Variants in MTRR observed in about 807,000 individuals in gnomAD.
MTRR encodes the protein 5-methyltetrahydrofolate-homocysteine methyltransferase reductase.
Under a neutral mutation model 79.2 loss-of-function variants are expected in MTRR, and 63 were observed. The ratio of observed to expected loss-of-function variants is 0.80; its 90% CI spans 0.65 to 0.98. The LOEUF (loss-of-function observed/expected upper bound fraction) is 0.98, where lower values mean the gene tolerates loss of function less well. Ranked by LOEUF, MTRR falls within the 50% of genes least tolerant of loss-of-function variation. MTRR has a pLI of 0.00. For synonymous variants in MTRR, 355 were observed against 313.3 expected, an observed-to-expected ratio of 1.13 and a Z score of -1.41; for missense variants, 895 against 839.6, an observed-to-expected ratio of 1.07 and a Z score of -0.82.
intron 1 of MTRR, chr5:7,861,711 T>A (rs920537240): frequency 6.4e-7 from 1 of 1,568,622 alleles, no homozygotes; most frequent in African/African-American, 1.3e-5. Context: ...ACTATCTTCC[T>A]GTATTCATTC....
chr5:7,896,948 T>C lies in MTRR; in HGVS notation c.1761T>C (p.Tyr587=), dbSNP rs6874544. 32,125 of 1,614,002 alleles carry C rather than the reference T, an allele frequency of 0.02. 364 individuals carry two copies. The highest frequency in any genetic ancestry group is 0.024 in the Non-Finnish European group (28,071 of 1,179,870). The stretch of plus-strand genomic sequence containing the variant: ...GCTGCAGGCATAAGGATAGGGATTA[T>C]CTATTCAGGTATTGTACAATTCCAG... ...FFGCRHKDRD[Y]LFRKELRHFL... The change falls in exon 13 of 15, where the codon TAT becomes TAC. Residue 587 remains tyrosine (Y), a synonymous_variant. Coordinates refer to ENST00000440940, the MANE Select transcript of MTRR (RefSeq NM_002454.3).
intron 8 of MTRR, 138 bp downstream of exon 8, chr5:7,886,841 C>T (rs143538307): frequency 1.4e-6 from 1 of 711,042 alleles, no homozygotes; most frequent in Non-Finnish European, 2.5e-6. Flanking sequence ...ATATTAGTTC[C>T]CAAGGGTGTG....
At position 7,891,289 on chromosome 5, in the gene MTRR, A is replaced by ATTTTT. The variant is rs71591748; in HGVS notation, c.1328-64_1328-60dup. On this transcript the variant is annotated intron_variant, in intron 9 of 14. Coordinates refer to ENST00000440940, the MANE Select transcript of MTRR (RefSeq NM_002454.3). ...TTGAGTATTCTAAATAAGACATGGA[A>ATTTTT]TTTTTTTTTTTTTTTTTTTTTTTAG... The ATTTTT allele has an allele frequency of 2.7e-4, 100 of 365,208 alleles. 1 individual carries two copies. Among genetic ancestry groups the ATTTTT allele is most frequent in the South Asian group, 6.2e-4 (18 of 29,252 alleles). 22.6% of individuals were successfully genotyped at this position (365,208 alleles called of 1,614,324 possible).
chr5:7,866,854 G>T (rs162030), upstream of MTRR: 55 of 1,613,876 alleles, frequency 3.4e-5, no homozygotes, highest in Admixed American at 2.2e-4. Flanking sequence ...GTTCCATTAA[G>T]GCAGAAATCT....
chr5:7,866,313 CAAAA>C (rs35385669), upstream of MTRR, among the ~76,000 whole-genome samples: 2 of 140,416 alleles, frequency 1.4e-5, no homozygotes, highest in Admixed American at 7.0e-5. Context: ...ACCATCCTCT[CAAAA>C]AAAAAAAAAA....
At chr5:7,866,539 T>C (rs974395205), upstream of MTRR, 5 of 817,828 alleles carry the variant, frequency 6.1e-6, no homozygotes, top group Middle Eastern at 3.7e-4. Context: ...TTCGGATCAC[T>C]ATGGAAGAAA....
At chr5:7,881,884 C>T (rs1735656104) in intron 5 of MTRR, among the ~76,000 whole-genome samples, 1 of 152,170 alleles carries the variant, frequency 6.6e-6, no homozygotes, top group Non-Finnish European at 1.5e-5. Context: ...CTTCCACTGG[C>T]ACTCCCTGCT....
At chr5:7,864,617 C>G (rs1467970600), upstream of MTRR, among the ~76,000 whole-genome samples, 2 of 152,030 alleles carry the variant, frequency 1.3e-5, no homozygotes, top group Non-Finnish European at 2.9e-5. Flanking sequence ...ATGTAAATGG[C>G]CAACACATAT....
chr5:7,868,716 G>C (rs531555187), upstream of MTRR, among the ~76,000 whole-genome samples: 1 of 152,248 alleles, frequency 6.6e-6, no homozygotes, highest in African/African-American at 2.4e-5. Context: ...GATCAATGAA[G>C]GGAGAAGGTG....
chr5:7,867,706 A>G, upstream of MTRR: 1 of 1,614,188 alleles, frequency 6.2e-7, no homozygotes, highest in Non-Finnish European at 8.5e-7. Flanking sequence ...CCATAGTGTC[A>G]GGCAGGGTTT....
chr5:7,873,273 T>A lies in MTRR; in HGVS notation c.130-100T>A, dbSNP rs1024981713. ...CAAAAAAACTGGCAAGGAAGAAGAT[T>A]GAAATACAAGACAGGAAACTAAGCT... On this transcript the variant is annotated intron_variant, in intron 2 of 14. Transcript: ENST00000440940. 5.4e-6 allele frequency: 8 copies of A among 1,483,382 alleles called. No homozygotes were observed. In the African/African-American group the frequency reaches 1.1e-4, roughly 21 times the overall value. 91.9% of individuals were successfully genotyped at this position (1,483,382 alleles called of 1,614,324 possible). A position where few individuals can be genotyped will look rare whatever the true frequency, so the allele number is the denominator to read the frequency against.
At chr5:7,870,448 T>A (rs1263992584) in intron 1 of MTRR, 1 of 359,194 alleles carries the variant, frequency 2.8e-6, no homozygotes, top group Non-Finnish European at 5.3e-6. Flanking sequence ...ATTTTTAGGA[T>A]AAAGGAGCTG....
upstream of MTRR, chr5:7,867,294 G>C (rs1365567003): frequency 3.1e-6 from 5 of 1,613,646 alleles, no homozygotes; most frequent in Admixed American, 3.3e-5. Flanking sequence ...GTACATGCCT[G>C]CAAGATTCTA....
At chr5:7,875,467 A>G in intron 4 of MTRR, 92 bp downstream of exon 4, 1 of 1,133,274 alleles carries the variant, frequency 8.8e-7, no homozygotes, top group South Asian at 1.2e-5. Context: ...CTTAACACTG[A>G]AATTTTCCTC....
At chr5:7,866,721 A>C (rs1246200685), upstream of MTRR, 2 of 1,613,402 alleles carry the variant, frequency 1.2e-6, no homozygotes, top group East Asian at 2.2e-5. Flanking sequence ...TTAAGTGAAC[A>C]TGAATGAAGA....
intron 12 of MTRR, chr5:7,896,456 GTC>G (rs1738530364): frequency 4.3e-6 from 1 of 232,928 alleles, no homozygotes; most frequent in Non-Finnish European, 8.4e-6. Context: ...AATCACAGAT[GTC>G]TCTGTCTCAT....
chr5:7,890,250 C>T (rs1737323784), intron 9 of MTRR: 1 of 985,082 alleles, frequency 1.0e-6, no homozygotes, highest in Non-Finnish European at 1.2e-6. Context: ...ATTTCTCCTC[C>T]TTTTTCTTAG....
intron 1 of MTRR, among the ~76,000 whole-genome samples, chr5:7,853,550 A>G (rs1490259865): frequency 6.6e-6 from 1 of 152,196 alleles, no homozygotes; most frequent in Non-Finnish European, 1.5e-5. Flanking sequence ...AATTCCAGGG[A>G]ACAGGAGAGA....
In MTRR at chr5:7,900,816, C is replaced by T. The variant is rs1204522370; in HGVS notation, c.*758C>T. 1 of 152,292 alleles carries T rather than the reference C, an allele frequency of 6.6e-6. No homozygotes were observed. Among genetic ancestry groups the T allele is most frequent in the Non-Finnish European group, 1.5e-5 (1 of 68,024 alleles). 9.4% of individuals were successfully genotyped at this position (152,292 alleles called of 1,614,324 possible). ...GAAAGATACAACCTTTTTATTTTCA[C>T]TCCTTTTATTTCTGCTGCTTGGCAC... On this transcript the variant is annotated 3_prime_UTR_variant, in exon 15 of 15. Coordinates refer to ENST00000440940, the MANE Select transcript of MTRR (RefSeq NM_002454.3).
Sources: gnomAD v4.1 joint callset for allele counts (sites outside exome capture counted in the v4.1 genomes callset) on GRCh38, gnomAD v4.1.1 for gene constraint, MANE v1.5 for transcripts, NCBI Gene and HGNC (gene_info 2026-07-23, HGNC 2026-07-21) for gene names.